The following NEO1 variants were observed in gnomAD, a reference collection of about 807,000 sequenced individuals.
NEO1 encodes the protein neogenin 1.
A neutral mutation model predicts 159.7 loss-of-function variants in NEO1; 63 were observed. That is an observed-to-expected ratio of 0.39 (90% CI 0.32 to 0.49). The LOEUF (loss-of-function observed/expected upper bound fraction) is 0.49, where lower values mean the gene tolerates loss of function less well. Among genes scored for constraint, NEO1 ranks in the 20% least tolerant of loss-of-function variants. The pLI is 0.85. For synonymous variants in NEO1, 633 were observed against 662.0 expected, an observed-to-expected ratio of 0.96 and a Z score of 0.67; for missense variants, 1,615 against 1,831.0, an observed-to-expected ratio of 0.88 and a Z score of 2.15.
chr15:73,170,928 C>T (rs2034917054), intron 5 of NEO1, among the ~76,000 whole-genome samples: 1 of 151,092 alleles, frequency 6.6e-6, no homozygotes, highest in Non-Finnish European at 1.5e-5. Context: ...GTTAACATCA[C>T]CAAAAGAGAG....
chr15:73,212,710 T>C (rs1596355867), intron 7 of NEO1, among the ~76,000 whole-genome samples: 2 of 151,618 alleles, frequency 1.3e-5, no homozygotes, highest in East Asian at 1.9e-4. Context: ...GGAAAGTTTA[T>C]AGAAGCATTG....
chr15:73,098,342 T>G (rs990002581), intron 1 of NEO1, among the ~76,000 whole-genome samples: 3 of 152,196 alleles, frequency 2.0e-5, no homozygotes, highest in Non-Finnish European at 4.4e-5. Context: ...GTTTTTTAAT[T>G]ATGTAAAATG....
chr15:73,125,690 G>A (rs2030108890), intron 3 of NEO1, among the ~76,000 whole-genome samples: 1 of 152,128 alleles, frequency 6.6e-6, no homozygotes, highest in African/African-American at 2.4e-5. Flanking sequence ...GCCTTTTCAT[G>A]TATTCACAAG....
rs552401613 is a variant in NEO1, at chr15:73,055,872, C to A, written c.130+3067C>A. Among the ~76,000 whole-genome samples, 9 of 152,292 alleles carry A rather than the reference C, an allele frequency of 5.9e-5. No homozygotes were observed. The East Asian group carries it at 1.7e-3, about 29-fold the overall frequency. The stretch of plus-strand genomic sequence containing the variant: ...AGACCTCCTCTTCCCATTGCCATAG[C>A]GGATAGTTCTTTTTGCTTTTTACCT... On this transcript the variant is annotated intron_variant, in intron 1 of 28. Coordinates refer to ENST00000261908, the MANE Select transcript of NEO1 (RefSeq NM_002499.4).
At chr15:73,055,095 A>C (rs2067636562) in intron 1 of NEO1, among the ~76,000 whole-genome samples, 1 of 152,198 alleles carries the variant, frequency 6.6e-6, no homozygotes, top group South Asian at 2.1e-4. Flanking sequence ...GACTGGTGAT[A>C]GAAAATGGTC....
chr15:73,290,728 C>A (rs1420915075), intron 25 of NEO1, among the ~76,000 whole-genome samples: 1 of 152,150 alleles, frequency 6.6e-6, no homozygotes, highest in African/African-American at 2.4e-5. Context: ...GGAAGTGAAG[C>A]CTTTCAGACT....
intron 7 of NEO1, among the ~76,000 whole-genome samples, chr15:73,224,835 G>A (rs891780030): frequency 2.0e-5 from 3 of 152,012 alleles, no homozygotes; most frequent in Non-Finnish European, 1.5e-5. Flanking sequence ...TGGATCCACT[G>A]CTGGTGAACT....
chr15:73,187,906 C>T (rs779505662), intron 7 of NEO1, among the ~76,000 whole-genome samples: 3 of 152,120 alleles, frequency 2.0e-5, no homozygotes, highest in Non-Finnish European at 4.4e-5. Context: ...TTATATTCTA[C>T]GTTGGAAATT....
chr15:73,128,737 A>G (rs1470843130), intron 4 of NEO1, among the ~76,000 whole-genome samples: 1 of 152,246 alleles, frequency 6.6e-6, no homozygotes, highest in East Asian at 1.9e-4. Context: ...AACGTGTTAG[A>G]TAATTGTTCT....
chr15:73,132,221 T>G (rs981283766), intron 4 of NEO1, among the ~76,000 whole-genome samples: 1 of 152,226 alleles, frequency 6.6e-6, no homozygotes, highest in Non-Finnish European at 1.5e-5. Context: ...ACCTTCTTTA[T>G]CCAACTTTTT....
intron 26 of NEO1, among the ~76,000 whole-genome samples, chr15:73,295,311 C>T (rs2151160781): frequency 6.6e-6 from 1 of 151,822 alleles, no homozygotes; most frequent in Admixed American, 6.6e-5. Context: ...AAAGCAGCCT[C>T]CACACCTGCT....
At chr15:73,217,743 A>G (rs939154666) in intron 7 of NEO1, among the ~76,000 whole-genome samples, 7 of 152,142 alleles carry the variant, frequency 4.6e-5, no homozygotes, top group African/African-American at 1.7e-4. Context: ...TTATTGGTGT[A>G]TAAGAATGCT....
chr15:73,088,001 A>G (rs192185920), intron 1 of NEO1, among the ~76,000 whole-genome samples: 7 of 152,192 alleles, frequency 4.6e-5, no homozygotes, highest in Non-Finnish European at 1.0e-4. Flanking sequence ...ATTTCTAGAA[A>G]AGAATTTGAC....
chr15:73,181,854 AC>A (rs1478179548), intron 7 of NEO1, among the ~76,000 whole-genome samples: 1 of 152,074 alleles, frequency 6.6e-6, no homozygotes. Flanking sequence ...AACTGATTGA[AC>A]ATTAAACATT....
intron 1 of NEO1, among the ~76,000 whole-genome samples, chr15:73,093,097 CTCTGTTAGGATTTG>C (rs2069789042): frequency 6.6e-6 from 1 of 152,120 alleles, no homozygotes; most frequent in Non-Finnish European, 1.5e-5. Context: ...TAGAATGTTT[CTCTGTTAGGATTTG>C]TCTGATGTTT....
At chr15:73,289,040 ATGC>A in intron 24 of NEO1, 103 bp from the exon 25 acceptor site, 1 of 787,276 alleles carries the variant, frequency 1.3e-6, no homozygotes, top group Non-Finnish European at 2.2e-6. Context: ...TGTCCCCATT[ATGC>A]TGTTTGTGAA....
intron 2 of NEO1, among the ~76,000 whole-genome samples, chr15:73,120,144 A>C (rs2071554850): frequency 1.4e-5 from 2 of 147,846 alleles, no homozygotes; most frequent in Admixed American, 6.7e-5. Context: ...TCATAAAAAA[A>C]ATTAATTAAT....
chr15:73,253,983 G>C (rs1281686377), intron 12 of NEO1, among the ~76,000 whole-genome samples: 1 of 152,158 alleles, frequency 6.6e-6, no homozygotes, highest in Admixed American at 6.5e-5. Context: ...CAGAGGCCCA[G>C]AGCCCTTCTG....
intron 1 of NEO1, among the ~76,000 whole-genome samples, chr15:73,065,507 A>G (rs1222240256): frequency 6.6e-6 from 1 of 152,088 alleles, no homozygotes; most frequent in African/African-American, 2.4e-5. Context: ...TGTTTTTTCA[A>G]CACTTTACAT....
Sources: allele counts gnomAD v4.1 joint callset (sites outside exome capture counted in the v4.1 genomes callset), GRCh38; gene constraint gnomAD v4.1.1; transcripts MANE v1.5; gene names NCBI Gene and HGNC (gene_info 2026-07-23, HGNC 2026-07-21).